BRIP1: variants seen among roughly 807,000 people sequenced by gnomAD.
BRIP1 encodes the protein BRCA1 interacting DNA helicase 1.
BRIP1 carries 88 observed loss-of-function variants against 119.7 expected under a neutral mutation model. The ratio of observed to expected loss-of-function variants is 0.74; its 90% CI spans 0.62 to 0.88. The LOEUF (loss-of-function observed/expected upper bound fraction) is 0.88, where lower values mean the gene tolerates loss of function less well. Among genes scored for constraint, BRIP1 ranks in the 40% least tolerant of loss-of-function variants. The pLI, the probability that BRIP1 is intolerant of heterozygous loss-of-function variation, is 0.00. For synonymous variants in BRIP1, 443 were observed against 496.5 expected, an observed-to-expected ratio of 0.89 and a Z score of 1.43; for missense variants, 1,259 against 1,455.4, an observed-to-expected ratio of 0.87 and a Z score of 2.20.
rs574729867 is a variant in BRIP1 at position 61,815,334 on chromosome 17, A to G, written c.628-6577T>C. 7.2e-5 allele frequency among the ~76,000 whole-genome samples: 11 copies of G among 152,280 alleles called. No homozygotes were observed. The highest frequency in any genetic ancestry group is 2.6e-4 in the African/African-American group (11 of 41,574). ...TGCATTTTTAGAAAGTGAACCCCTA[A>G]CTTTAATCAAGTGCTCAAAGCAGAT... On this transcript the variant is annotated intron_variant, in intron 6 of 19. Coordinates refer to ENST00000259008, the MANE Select transcript of BRIP1 (RefSeq NM_032043.3). This position sits in a 1 kb window ranked among gnomAD's most constrained non-coding sequence, Gnocchi z 4.1.
Position 61,736,196 on chromosome 17 carries a change from C to T in BRIP1, c.2379+6817G>A, listed in dbSNP as rs1006669377. On this transcript the variant is annotated intron_variant, in intron 16 of 19. Coordinates refer to ENST00000259008, the MANE Select transcript of BRIP1 (RefSeq NM_032043.3). This position sits in a 1 kb window ranked among gnomAD's most constrained non-coding sequence, Gnocchi z 4.4. ...AAAAAAGTTTAGCCAGGTGTGGTGG[C>T]ACATGCCTACAGTCCTAGCTACCCA... Among the ~76,000 whole-genome samples the T allele has an allele frequency of 3.3e-5, 5 of 151,634 alleles. No individual in the cohort carries two copies. The highest frequency in any genetic ancestry group is 7.4e-5 in the Non-Finnish European group (5 of 67,960).
intron 16 of BRIP1, among the ~76,000 whole-genome samples, chr17:61,732,482 C>T (rs978288718): frequency 6.6e-6 from 1 of 152,124 alleles, no homozygotes; most frequent in Admixed American, 6.5e-5. Context: ...TGTTGGTCAA[C>T]TTCAGCTTTC....
chr17:61,829,334 A>G (rs1312815607), intron 6 of BRIP1, among the ~76,000 whole-genome samples: 1 of 152,172 alleles, frequency 6.6e-6, no homozygotes, highest in Non-Finnish European at 1.5e-5. Flanking sequence ...AAGACATTTC[A>G]TAATGACAGA....
Position 61,752,613 on chromosome 17 carries a change from A to G in BRIP1, c.2098-8022T>C, listed in dbSNP as rs1455151987. Among the ~76,000 whole-genome samples, 1 of 152,214 alleles carries G rather than the reference A, an allele frequency of 6.6e-6. No homozygotes were observed. The highest frequency in any genetic ancestry group is 1.5e-5 in the Non-Finnish European group (1 of 68,016). On this transcript the variant is annotated intron_variant, in intron 14 of 19. Coordinates refer to ENST00000259008, the MANE Select transcript of BRIP1 (RefSeq NM_032043.3). The surrounding 1 kb of genome is among the most constrained non-coding windows in gnomAD (Gnocchi z 6.2). ...ACATCAACCAGTTTTCTTATAGTCT[A>G]TTCCTTTATTAAATTGCCTACAAGT...
intron 14 of BRIP1, among the ~76,000 whole-genome samples, chr17:61,749,627 G>A (rs770203663): frequency 4.6e-5 from 7 of 152,118 alleles, no homozygotes; most frequent in East Asian, 3.9e-4. Flanking sequence ...TTGTGATATT[G>A]GAATCCTTGT....
intron 17 of BRIP1, among the ~76,000 whole-genome samples, chr17:61,702,684 C>G (rs1394201886): frequency 3.3e-5 from 5 of 152,162 alleles, no homozygotes; most frequent in Non-Finnish European, 7.3e-5. Context: ...ATATGTACCA[C>G]ATTTTCTTAA....
chr17:61,753,206 C>T lies in BRIP1; in HGVS notation c.2098-8615G>A, dbSNP rs1433436212. On this transcript the variant is annotated intron_variant, in intron 14 of 19. Coordinates refer to ENST00000259008, the MANE Select transcript of BRIP1 (RefSeq NM_032043.3). This position sits in a 1 kb window ranked among gnomAD's most constrained non-coding sequence, Gnocchi z 4.6. ...GTTCCCACCAGCAAGAAGGCCCGCA[C>T]CAGATGCAGCCTCTCAGTCTTGAAC... Among the ~76,000 whole-genome samples the T allele has an allele frequency of 6.6e-6, 1 of 152,144 alleles. No homozygotes were observed.
At chr17:61,833,645 T>A (rs1603355121) in intron 6 of BRIP1, among the ~76,000 whole-genome samples, 1 of 143,674 alleles carries the variant, frequency 7.0e-6, no homozygotes, top group East Asian at 2.0e-4. Context: ...CACTCCAGCC[T>A]GGGTGACAAA....
intron 14 of BRIP1, among the ~76,000 whole-genome samples, chr17:61,763,644 G>A (rs1400392156): frequency 6.6e-6 from 1 of 152,106 alleles, no homozygotes; most frequent in Non-Finnish European, 1.5e-5. Context: ...TGTAGAGACT[G>A]ATGTATCTTT....
At chr17:61,732,899 G>C (rs995102251) in intron 16 of BRIP1, among the ~76,000 whole-genome samples, 4 of 152,080 alleles carry the variant, frequency 2.6e-5, no homozygotes. Context: ...TCACCATGTT[G>C]GCCAGGCTGG....
At position 61,679,807 on chromosome 17, in the gene BRIP1, A is replaced by G. The variant is rs140891191; in HGVS notation, c.*3489T>C. ...ATCTGTAAACATTTCTTTTAAAAGT[A>G]TGTTATCAGTAATGAAAATGGCCTA... On this transcript the variant is annotated 3_prime_UTR_variant, in exon 20 of 20. Transcript: ENST00000259008. This position sits in a 1 kb window ranked among gnomAD's most constrained non-coding sequence, Gnocchi z 4.4. Among the ~76,000 whole-genome samples the G allele has an allele frequency of 5.5e-3, 840 of 152,300 alleles. 8 individuals are homozygous for G. The highest frequency in any genetic ancestry group is 9.6e-3 in the Non-Finnish European group (655 of 68,038).
At chr17:61,696,143 A>G (rs578042856) in intron 17 of BRIP1, among the ~76,000 whole-genome samples, 1 of 151,008 alleles carries the variant, frequency 6.6e-6, no homozygotes, top group Non-Finnish European at 1.5e-5. Context: ...GTAACCTTAT[A>G]TTCCCACTTT....
rs1213716580 is a variant in BRIP1 at position 61,794,855 on chromosome 17, G to T, written c.1341-1126C>A. The stretch of plus-strand genomic sequence containing the variant: ...AATAACTGAATGCAAAAAGTATCCA[G>T]TCATGGGAGAATCAGAAGAAAAGAA... On this transcript the variant is annotated intron_variant, in intron 9 of 19. Coordinates refer to ENST00000259008, the MANE Select transcript of BRIP1 (RefSeq NM_032043.3). This position sits in a 1 kb window ranked among gnomAD's most constrained non-coding sequence, Gnocchi z 4.3. Among the ~76,000 whole-genome samples the T allele has an allele frequency of 1.2e-5, 1 of 84,276 alleles. No individual in the cohort carries two copies. The highest frequency in any genetic ancestry group is 2.4e-5 in the Non-Finnish European group (1 of 41,918). 55.3% of individuals were successfully genotyped at this position (84,276 alleles called of 152,430 possible).
rs1029366985 is a variant in BRIP1, at chr17:61,762,641, T to C, written c.2097+13760A>G. Reference sequence around the variant, plus strand: ...AAAAAATGCTCAAAATCACTAATCATTAGGGAAATACAAATTAAAACCATG... The same window carrying C: ...AAAAAATGCTCAAAATCACTAATCACTAGGGAAATACAAATTAAAACCATG... On this transcript the variant is annotated intron_variant, in intron 14 of 19. Coordinates refer to ENST00000259008, the MANE Select transcript of BRIP1 (RefSeq NM_032043.3). This position sits in a 1 kb window ranked among gnomAD's most constrained non-coding sequence, Gnocchi z 4.3. Among the ~76,000 whole-genome samples, 1 of 152,088 alleles carries C rather than the reference T, an allele frequency of 6.6e-6. No homozygotes were observed. Among genetic ancestry groups the C allele is most frequent in the Non-Finnish European group, 1.5e-5 (1 of 67,984 alleles).
In BRIP1 at chr17:61,795,638, C is replaced by A. The variant is rs2077888198; in HGVS notation, c.1341-1909G>T. On this transcript the variant is annotated intron_variant, in intron 9 of 19. Coordinates refer to ENST00000259008, the MANE Select transcript of BRIP1 (RefSeq NM_032043.3). This position sits in a 1 kb window ranked among gnomAD's most constrained non-coding sequence, Gnocchi z 5.6. ...CATTGTGTATATGTAACCACATTTT[C>A]TTTATCCATTCATCTGTTGATGGAC... 6.6e-6 allele frequency among the ~76,000 whole-genome samples: 1 copy of A among 152,098 alleles called. No homozygotes were observed. The highest frequency in any genetic ancestry group is 1.5e-5 in the Non-Finnish European group (1 of 67,988).
At chr17:61,696,686 CAAA>C (rs1237775624) in intron 17 of BRIP1, among the ~76,000 whole-genome samples, 2 of 57,140 alleles carry the variant, frequency 3.5e-5, no homozygotes, top group African/African-American at 6.5e-5. Context: ...CTTTGTCTCA[CAAA>C]AAAAAAAAAA....
At position 61,706,164 on chromosome 17, in the gene BRIP1, C is replaced by T. The variant is rs546681635; in HGVS notation, c.2492+9787G>A. ...CACCCTTTTATCATTATGTAATGTT[C>T]TCTTTTATCCCTAATTTTGTTTGCT... On this transcript the variant is annotated intron_variant, in intron 17 of 19. Coordinates refer to ENST00000259008, the MANE Select transcript of BRIP1 (RefSeq NM_032043.3). This position sits in a 1 kb window ranked among gnomAD's most constrained non-coding sequence, Gnocchi z 5.7. Among the ~76,000 whole-genome samples the T allele has an allele frequency of 6.6e-6, 1 of 152,086 alleles. No individual in the cohort carries two copies. The highest frequency in any genetic ancestry group is 2.4e-5 in the African/African-American group (1 of 41,506).
intron 6 of BRIP1, among the ~76,000 whole-genome samples, chr17:61,838,471 A>G (rs926796685): frequency 1.3e-5 from 2 of 151,790 alleles, no homozygotes; most frequent in South Asian, 2.1e-4. Context: ...GTGTGAACCC[A>G]GGAGGCGGAA....
chr17:61,681,204 G>A lies in BRIP1; in HGVS notation c.*2092C>T. 5.7e-6 allele frequency: 1 copy of A among 175,854 alleles called. No homozygotes were observed. Among genetic ancestry groups the A allele is most frequent in the Non-Finnish European group, 1.1e-5 (1 of 88,768 alleles). The allele number at this position is 175,854 out of a possible 1,614,324, so 10.9% of individuals were successfully genotyped here. A position where few individuals can be genotyped will look rare whatever the true frequency, so the allele number is the denominator to read the frequency against. Reference sequence around the variant, plus strand: ...GGAACTACAATTCAAGATGAGATCTGGCTGGGGACATAGCCAAACCACGTC... The same window carrying A: ...GGAACTACAATTCAAGATGAGATCTAGCTGGGGACATAGCCAAACCACGTC... On this transcript the variant is annotated 3_prime_UTR_variant, in exon 20 of 20. Transcript: ENST00000259008. This position sits in a 1 kb window ranked among gnomAD's most constrained non-coding sequence, Gnocchi z 5.1.
Sources: gnomAD v4.1 joint callset for allele counts (sites outside exome capture counted in the v4.1 genomes callset) on GRCh38, gnomAD v4.1.1 for gene constraint, Gnocchi (gnomAD v3.1) non-coding constraint, MANE v1.5 for transcripts, NCBI Gene and HGNC (gene_info 2026-07-23, HGNC 2026-07-21) for gene names.